Variants in LSAMP observed in about 807,000 individuals in gnomAD.
LSAMP encodes the protein limbic system-associated membrane protein.
LSAMP carries 7 observed loss-of-function variants against 38.6 expected under a neutral mutation model. That is an observed-to-expected ratio of 0.18 (90% CI 0.10 to 0.34). LSAMP has a LOEUF of 0.34. Among genes scored for constraint, LSAMP ranks in the 10% least tolerant of loss-of-function variants. LSAMP has a pLI of 1.00. For missense variants in LSAMP, 313 were observed against 420.0 expected (o/e 0.75, Z 2.23); for synonymous variants, 154 against 166.8 (o/e 0.92, Z 0.59).
intron 1 of LSAMP, among the ~76,000 whole-genome samples, chr3:116,373,271 TAAAAAC>T (rs953364478): frequency 1.4e-4 from 21 of 151,314 alleles, no homozygotes; most frequent in African/African-American, 4.8e-4. Flanking sequence ...GATTCAAACT[TAAAAAC>T]AATATTTCTG....
intron 1 of LSAMP, among the ~76,000 whole-genome samples, chr3:116,255,143 C>T (rs1245176734): frequency 3.9e-5 from 6 of 152,084 alleles, no homozygotes; most frequent in Non-Finnish European, 8.8e-5. Flanking sequence ...CTTCTTGATC[C>T]ACCCATCACC....
chr3:116,091,634 C>T (rs543129512), intron 1 of LSAMP, among the ~76,000 whole-genome samples: 1 of 152,338 alleles, frequency 6.6e-6, no homozygotes, highest in South Asian at 2.1e-4. Flanking sequence ...TTTGGGGTCC[C>T]TGACTTCCCG....
intron 1 of LSAMP, among the ~76,000 whole-genome samples, chr3:116,236,967 T>TGC (rs1321644379): frequency 1.5e-5 from 1 of 66,534 alleles, no homozygotes; most frequent in Non-Finnish European, 4.6e-5. Context: ...TATATATGCA[T>TGC]ATATATACAT....
chr3:116,004,160 A>G (rs1940082475), intron 3 of LSAMP, among the ~76,000 whole-genome samples: 1 of 152,120 alleles, frequency 6.6e-6, no homozygotes, highest in South Asian at 2.1e-4. Flanking sequence ...TAAAAGTCCA[A>G]TTGACGTTCA....
At chr3:115,945,126 T>G (rs904393428) in intron 3 of LSAMP, among the ~76,000 whole-genome samples, 3 of 152,162 alleles carry the variant, frequency 2.0e-5, no homozygotes, top group African/African-American at 7.2e-5. Flanking sequence ...TTTGCTTAGT[T>G]TTCTTGGCTA....
chr3:115,861,440 G>A (rs1935698282), intron 3 of LSAMP, among the ~76,000 whole-genome samples: 1 of 151,958 alleles, frequency 6.6e-6, no homozygotes, highest in Non-Finnish European at 1.5e-5. Flanking sequence ...TTAACTGACG[G>A]TGGCTGCCTG....
chr3:116,078,296 T>TATTC (rs910452855), intron 2 of LSAMP, among the ~76,000 whole-genome samples: 1 of 150,900 alleles, frequency 6.6e-6, no homozygotes, highest in Non-Finnish European at 1.5e-5. Context: ...TTTATTTATT[T>TATTC]ATTTATTTTA....
intron 3 of LSAMP, among the ~76,000 whole-genome samples, chr3:115,943,560 C>A (rs1250304431): frequency 6.6e-6 from 1 of 152,200 alleles, no homozygotes; most frequent in African/African-American, 2.4e-5. Context: ...CTGTTCTCAA[C>A]TCCCTGTGAT....
intron 3 of LSAMP, among the ~76,000 whole-genome samples, chr3:115,957,070 T>C (rs1261674132): frequency 1.3e-5 from 2 of 152,218 alleles, no homozygotes; most frequent in Non-Finnish European, 2.9e-5. Flanking sequence ...AGTACTCTGA[T>C]TCTATCTCCA....
intron 3 of LSAMP, among the ~76,000 whole-genome samples, chr3:115,984,654 G>T (rs1939460204): frequency 6.6e-6 from 1 of 152,180 alleles, no homozygotes; most frequent in Non-Finnish European, 1.5e-5. Context: ...TAAGAATCCA[G>T]TTAGAAAGTA....
At chr3:115,944,445 C>T (rs1576242458) in intron 3 of LSAMP, among the ~76,000 whole-genome samples, 1 of 152,240 alleles carries the variant, frequency 6.6e-6, no homozygotes, top group Middle Eastern at 3.4e-3. Context: ...CTCCCTGAAA[C>T]TCCATCCTCT....
intron 3 of LSAMP, among the ~76,000 whole-genome samples, chr3:115,892,281 C>T (rs1470822911): frequency 6.6e-6 from 1 of 151,956 alleles, no homozygotes; most frequent in African/African-American, 2.4e-5. Flanking sequence ...TTCATATGTT[C>T]ATTAAATGAC....
At chr3:116,014,057 G>T (rs1390369789) in intron 3 of LSAMP, among the ~76,000 whole-genome samples, 1 of 152,080 alleles carries the variant, frequency 6.6e-6, no homozygotes, top group African/African-American at 2.4e-5. Flanking sequence ...TAATTATGGG[G>T]CTATTCATGC....
intron 3 of LSAMP, among the ~76,000 whole-genome samples, chr3:115,926,276 AT>A (rs1184602008): frequency 6.6e-6 from 1 of 152,184 alleles, no homozygotes; most frequent in Non-Finnish European, 1.5e-5. Flanking sequence ...ATACAGAGGG[AT>A]TAAGGGAACT....
chr3:115,845,911 C>T (rs767548023), intron 4 of LSAMP, among the ~76,000 whole-genome samples: 2 of 152,204 alleles, frequency 1.3e-5, no homozygotes, highest in African/African-American at 2.4e-5. Context: ...CAACTACTTG[C>T]TTCTCTCTTT....
chr3:115,872,842 T>G (rs1364118764), intron 3 of LSAMP, among the ~76,000 whole-genome samples: 1 of 152,116 alleles, frequency 6.6e-6, no homozygotes, highest in Non-Finnish European at 1.5e-5. Context: ...GAACTAATAC[T>G]CATTCACCAA....
intron 1 of LSAMP, among the ~76,000 whole-genome samples, chr3:116,263,362 A>G (rs961592834): frequency 2.0e-5 from 3 of 151,926 alleles, no homozygotes; most frequent in African/African-American, 7.3e-5. Context: ...ACATGGTGAA[A>G]CCCCATTTCT....
intron 1 of LSAMP, among the ~76,000 whole-genome samples, chr3:116,406,367 C>T (rs2048897584): frequency 6.6e-6 from 1 of 152,164 alleles, no homozygotes; most frequent in Non-Finnish European, 1.5e-5. Context: ...AATCAATAAG[C>T]AGCGTTAAAG....
chr3:116,349,501 ACTCTCT>A (rs896330209), intron 1 of LSAMP, among the ~76,000 whole-genome samples: 23 of 142,168 alleles, frequency 1.6e-4, no homozygotes, highest in Non-Finnish European at 3.0e-4. Context: ...ACACACACAC[ACTCTCT>A]CTCTCTCTCT....
Sources: gnomAD v4.1 joint callset for allele counts (sites outside exome capture counted in the v4.1 genomes callset) on GRCh38, gnomAD v4.1.1 for gene constraint, MANE v1.5 for transcripts, NCBI Gene and HGNC (gene_info 2026-07-23, HGNC 2026-07-21) for gene names.